Variants in ARFGEF3 observed in about 807,000 individuals in gnomAD.
The protein encoded by ARFGEF3 is ARFGEF family member 3, also known as brefeldin A-inhibited guanine nucleotide-exchange protein 3.
A neutral mutation model predicts 221.7 loss-of-function variants in ARFGEF3; 96 were observed. The observed-to-expected ratio is 0.43, with a 90% CI of 0.37 to 0.51. The LOEUF (loss-of-function observed/expected upper bound fraction) is 0.51, where lower values mean the gene tolerates loss of function less well. Ranked by LOEUF, ARFGEF3 falls within the 20% of genes least tolerant of loss-of-function variation. The pLI, the probability that ARFGEF3 is intolerant of heterozygous loss-of-function variation, is 0.00. For missense variants in ARFGEF3, 2,410 were observed against 2,789.9 expected, an observed-to-expected ratio of 0.86 and a Z score of 3.07; for synonymous variants, 1,145 against 1,126.8, an observed-to-expected ratio of 1.02 and a Z score of -0.32.
intron 32 of ARFGEF3, among the ~76,000 whole-genome samples, chr6:138,331,812 G>A (rs554223574): frequency 2.0e-5 from 3 of 152,312 alleles, no homozygotes; most frequent in Admixed American, 1.3e-4. Flanking sequence ...TCCTGTCAGC[G>A]TAGATGATTA....
intron 12 of ARFGEF3, among the ~76,000 whole-genome samples, chr6:138,271,766 G>A (rs983311150): frequency 1.3e-5 from 2 of 152,166 alleles, no homozygotes; most frequent in Admixed American, 1.3e-4. Context: ...CATGTCCCTT[G>A]TGTCTTTAAG....
intron 2 of ARFGEF3, among the ~76,000 whole-genome samples, chr6:138,171,177 T>C (rs1776822480): frequency 6.6e-6 from 1 of 151,764 alleles, no homozygotes; most frequent in African/African-American, 2.4e-5. Context: ...CATAGCATTT[T>C]ACTTGCTGAC....
rs1779315111 is a variant in ARFGEF3, at chr6:138,287,241, T to C, written c.2896+57T>C. 3 of 1,297,756 alleles carry C rather than the reference T, an allele frequency of 2.3e-6. No individual in the cohort carries two copies. The South Asian group carries it at 3.8e-5, about 16-fold the overall frequency. The allele number at this position is 1,297,756 out of a possible 1,614,324, so 80.4% of individuals were successfully genotyped here. ...GCCTTGGGTGCAGTATGCACACACC[T>C]GCACAGGCCTACACACGCCAGCCAA... On this transcript the variant is annotated intron_variant, in intron 17 of 33. Transcript: ENST00000251691.
chr6:138,214,041 C>A (rs1777786557), intron 4 of ARFGEF3, among the ~76,000 whole-genome samples: 1 of 152,086 alleles, frequency 6.6e-6, no homozygotes, highest in South Asian at 2.1e-4. Context: ...TAAGTTTTAT[C>A]CCTCTTCTCT....
At chr6:138,214,134 A>G (rs1317074053) in intron 4 of ARFGEF3, among the ~76,000 whole-genome samples, 2 of 152,224 alleles carry the variant, frequency 1.3e-5, no homozygotes, top group African/African-American at 4.8e-5. Flanking sequence ...AATACTTGTA[A>G]TGATCCAGGT....
At chr6:138,303,973 C>T (rs1005929753) in intron 22 of ARFGEF3, among the ~76,000 whole-genome samples, 2 of 150,058 alleles carry the variant, frequency 1.3e-5, no homozygotes, top group Non-Finnish European at 3.0e-5. Context: ...TGTGTGGCTG[C>T]TTTGCAGGCT....
At chr6:138,228,375 TGG>T (rs1213832281) in intron 4 of ARFGEF3, among the ~76,000 whole-genome samples, 1 of 150,102 alleles carries the variant, frequency 6.7e-6, no homozygotes, top group Non-Finnish European at 1.5e-5. Context: ...TTAGTAGAGA[TGG>T]GGTTTTGCCA....
rs1197495781 is a variant in ARFGEF3, at chr6:138,291,801, C to A, written c.3116C>A (p.Thr1039Asn). 3.4e-6 allele frequency: 5 copies of A among 1,481,726 alleles called. No homozygotes were observed. In the South Asian group the frequency reaches 4.2e-5, roughly 13 times the overall value. 91.8% of individuals were successfully genotyped at this position (1,481,726 alleles called of 1,614,324 possible). ...GATGGTGCCTCGCAGCCCCCTCTGA[C>A]CATCAGCCAGCCCCAGAAGGCCACT... ...FSDGASQPPL[T>N]ISQPQKATGS... Residue 1039 changes from threonine (T) to asparagine (N), a missense_variant, in exon 19 of 34, where the codon ACC becomes AAC. This residue lies in a region of ARFGEF3 where 184 missense variants were observed against 141.8 expected (regional missense o/e 1.30). Coordinates refer to ENST00000251691, the MANE Select transcript of ARFGEF3 (RefSeq NM_020340.5). This position sits in a 1 kb window ranked among gnomAD's most constrained non-coding sequence, Gnocchi z 4.5.
intron 31 of ARFGEF3, among the ~76,000 whole-genome samples, chr6:138,325,409 A>G (rs1319956737): frequency 6.6e-6 from 1 of 152,202 alleles, no homozygotes; most frequent in Non-Finnish European, 1.5e-5. Context: ...AGTTTCTCAC[A>G]TCTCTGCTGA....
At chr6:138,298,852 A>T (rs918708802) in intron 22 of ARFGEF3, 67 bp downstream of exon 22, 3 of 1,222,596 alleles carry the variant, frequency 2.5e-6, no homozygotes, top group Non-Finnish European at 3.5e-6. Context: ...GCACGGTTCT[A>T]TGAGCTTCGC....
Position 138,317,241 on chromosome 6 carries a change from TGG to T in ARFGEF3, c.4346-9_4346-8del. The T allele has an allele frequency of 1.2e-6, 2 of 1,610,486 alleles. No homozygotes were observed. Among genetic ancestry groups the T allele is most frequent in the African/African-American group, 1.3e-5 (1 of 74,734 alleles). On this transcript the variant is annotated splice_region_variant and splice_polypyrimidine_tract_variant and intron_variant, in intron 26 of 33. Coordinates refer to ENST00000251691, the MANE Select transcript of ARFGEF3 (RefSeq NM_020340.5). ...CTGGATTTCATACAGGTCTGCTTTT[TGG>T]TTTCCAGGTCTGATAGAAGTCTGGA... is the stretch of plus-strand genomic sequence containing the variant.
At chr6:138,164,740 C>G (rs996335028) in intron 1 of ARFGEF3, among the ~76,000 whole-genome samples, 1 of 152,226 alleles carries the variant, frequency 6.6e-6, no homozygotes, top group Non-Finnish European at 1.5e-5. Context: ...TCTTGTCCTG[C>G]TCTTTGTGGG....
Position 138,317,262 on chromosome 6 carries a change from G to C in ARFGEF3, c.4357G>C (p.Val1453Leu), listed in dbSNP as rs1423103567. 6.2e-7 allele frequency: 1 copy of C among 1,613,724 alleles called. No homozygotes were observed. The highest frequency in any genetic ancestry group is 1.3e-5 in the African/African-American group (1 of 75,012). The change falls in exon 27 of 34, where the codon GTC becomes CTC. Residue 1453 changes from valine (V) to leucine (L), a missense_variant. Transcript: ENST00000251691. ...DFDDDTGLIEVWIILLEQLTA... is the reference protein window; with the variant it reads ...DFDDDTGLIELWIILLEQLTA... Reference sequence around the variant, plus strand: ...TTTTTGGTTTCCAGGTCTGATAGAAGTCTGGATAATCCTGCTGGAGCAGCT... The same window carrying C: ...TTTTTGGTTTCCAGGTCTGATAGAACTCTGGATAATCCTGCTGGAGCAGCT...
intron 12 of ARFGEF3, among the ~76,000 whole-genome samples, chr6:138,272,224 C>G (rs755700325): frequency 1.3e-5 from 2 of 152,042 alleles, no homozygotes; most frequent in Non-Finnish European, 2.9e-5. Context: ...GGCACGATCT[C>G]GGCTCACTGC....
intron 23 of ARFGEF3, 135 bp downstream of exon 23, chr6:138,307,532 G>A (rs1779748199): frequency 2.4e-6 from 2 of 840,728 alleles, no homozygotes; most frequent in South Asian, 1.7e-5. Flanking sequence ...AGAATGTGGT[G>A]TAGCAGGAAC....
intron 26 of ARFGEF3, among the ~76,000 whole-genome samples, chr6:138,315,798 C>T (rs997259846): frequency 6.7e-6 from 1 of 150,236 alleles, no homozygotes; most frequent in Non-Finnish European, 1.5e-5. Flanking sequence ...TGCAGTGAGC[C>T]GAGATTGCGC....
At position 138,317,369 on chromosome 6, in the gene ARFGEF3, G is replaced by A. The variant is rs199773859; in HGVS notation, c.4464G>A (p.Thr1488=). ...TCTTTGAGCTGTTGAGAGATGTGACGAAAACACCAGGTAAATATTTCTGTG... is the reference window on the plus strand; with the variant it reads ...TCTTTGAGCTGTTGAGAGATGTGACAAAAACACCAGGTAAATATTTCTGTG... ...DLLFELLRDV[T]KTPGPGFGIY... Residue 1488 remains threonine, a synonymous_variant, in exon 27 of 34, where the codon ACG becomes ACA. Coordinates refer to ENST00000251691, the MANE Select transcript of ARFGEF3 (RefSeq NM_020340.5). 40 of 1,613,848 alleles carry A rather than the reference G, an allele frequency of 2.5e-5. No individual in the cohort carries two copies. The East Asian group carries it at 3.1e-4, about 13-fold the overall frequency.
At chr6:138,239,579 G>A in intron 6 of ARFGEF3, among the ~76,000 whole-genome samples, 1 of 151,174 alleles carries the variant, frequency 6.6e-6, no homozygotes, top group South Asian at 2.1e-4. Context: ...AACTCAGGAG[G>A]TGGAGGTTGC....
chr6:138,190,043 C>G (rs1242690054), intron 2 of ARFGEF3, among the ~76,000 whole-genome samples: 1 of 151,774 alleles, frequency 6.6e-6, no homozygotes, highest in Non-Finnish European at 1.5e-5. Flanking sequence ...ATGATTGAGC[C>G]ACTGCACTCT....
Sources: gnomAD v4.1 joint callset for allele counts (sites outside exome capture counted in the v4.1 genomes callset) on GRCh38, gnomAD v4.1.1 for gene constraint, gnomAD v4.1.1 regional missense constraint, Gnocchi (gnomAD v3.1) non-coding constraint, MANE v1.5 for transcripts, NCBI Gene and HGNC (gene_info 2026-07-23, HGNC 2026-07-21) for gene names.